Variants in RPRD2 observed in about 807,000 individuals in gnomAD.
RPRD2 encodes the protein regulation of nuclear pre-mRNA domain containing 2, also known as regulation of nuclear pre-mRNA domain-containing protein 2.
Under a neutral mutation model 104.4 loss-of-function variants are expected in RPRD2, and 12 were observed. The ratio of observed to expected loss-of-function variants is 0.11; its 90% CI spans 0.07 to 0.19. The LOEUF (loss-of-function observed/expected upper bound fraction) is 0.19, where lower values mean the gene tolerates loss of function less well. Among genes scored for constraint, RPRD2 ranks in the 10% least tolerant of loss-of-function variants. The pLI, the probability that RPRD2 is intolerant of heterozygous loss-of-function variation, is 1.00. For synonymous variants in RPRD2, 714 were observed against 684.9 expected (o/e 1.04, Z -0.66); for missense variants, 1,543 against 1,790.1 (o/e 0.86, Z 2.49).
At chr1:150,438,035 G>A (rs1450594411) in intron 2 of RPRD2, among the ~76,000 whole-genome samples, 1 of 147,518 alleles carries the variant, frequency 6.8e-6, no homozygotes, top group African/African-American at 2.5e-5. Flanking sequence ...TGTAACCCCA[G>A]CACTTTGGGA....
At chr1:150,403,487 A>G (rs750852189) in intron 1 of RPRD2, among the ~76,000 whole-genome samples, 39 of 152,142 alleles carry the variant, frequency 2.6e-4, no homozygotes, top group Non-Finnish European at 4.7e-4. Flanking sequence ...CTACTCCTAG[A>G]TACGTCATGG....
intron 9 of RPRD2, among the ~76,000 whole-genome samples, chr1:150,461,987 A>G (rs1427878110): frequency 1.3e-5 from 2 of 148,992 alleles, no homozygotes; most frequent in African/African-American, 2.5e-5. Context: ...AAAAAAAAAC[A>G]AAAAACAAAA....
At chr1:150,466,815 C>A (rs1668311965) in intron 10 of RPRD2, among the ~76,000 whole-genome samples, 1 of 152,118 alleles carries the variant, frequency 6.6e-6, no homozygotes, top group Non-Finnish European at 1.5e-5. Flanking sequence ...CCAATGAAAT[C>A]CTTTTTAAGT....
At chr1:150,418,663 C>G (rs1003796587) in intron 2 of RPRD2, among the ~76,000 whole-genome samples, 1 of 152,130 alleles carries the variant, frequency 6.6e-6, no homozygotes, top group Non-Finnish European at 1.5e-5. Flanking sequence ...ATTCAAAGTT[C>G]ACATTACCAT....
In RPRD2 at chr1:150,364,179, C is replaced by CA. The variant is rs587650833; in HGVS notation, c.-528dup. ...CTGCCCCTTTGCTGCTATTGCGTTG[C>CA]AAAAAAAATCCTGACTAGGTAGCCT... is the stretch of plus-strand genomic sequence containing the variant. On this transcript the variant is annotated 5_prime_UTR_variant, in exon 1 of 11. Coordinates refer to ENST00000369068, the MANE Select transcript of RPRD2 (RefSeq NM_015203.5). 1.1e-3 allele frequency among the ~76,000 whole-genome samples: 165 copies of CA among 151,842 alleles called. No individual in the cohort carries two copies. The highest frequency in any genetic ancestry group is 2.0e-3 in the Non-Finnish European group (135 of 67,882).
At chr1:150,406,817 T>C (rs1267692137) in intron 1 of RPRD2, among the ~76,000 whole-genome samples, 1 of 152,158 alleles carries the variant, frequency 6.6e-6, no homozygotes, top group African/African-American at 2.4e-5. Flanking sequence ...TGGGTTCAAG[T>C]GATTCTCCTG....
chr1:150,403,074 A>G (rs1007617397), intron 1 of RPRD2, among the ~76,000 whole-genome samples: 8 of 152,208 alleles, frequency 5.3e-5, no homozygotes, highest in Non-Finnish European at 1.2e-4. Flanking sequence ...TGGTGTATTC[A>G]TAGTGAAATC....
intron 2 of RPRD2, among the ~76,000 whole-genome samples, chr1:150,426,744 G>T (rs587682501): frequency 6.6e-6 from 1 of 152,330 alleles, no homozygotes; most frequent in African/African-American, 2.4e-5. Context: ...ATTGTTCAAT[G>T]GGTATAGAGT....
chr1:150,445,290 T>A (rs1444294650), intron 6 of RPRD2, among the ~76,000 whole-genome samples: 3 of 152,212 alleles, frequency 2.0e-5, no homozygotes, highest in African/African-American at 7.2e-5. Flanking sequence ...TCTGAGGTCT[T>A]GTAAGGAGAT....
intron 1 of RPRD2, among the ~76,000 whole-genome samples, chr1:150,382,764 T>G (rs1161395537): frequency 6.6e-6 from 1 of 152,118 alleles, no homozygotes; most frequent in Non-Finnish European, 1.5e-5. Flanking sequence ...TAAGGCCAGG[T>G]GTTTGAGGCC....
At chr1:150,427,670 G>A (rs782110651) in intron 2 of RPRD2, among the ~76,000 whole-genome samples, 21 of 151,874 alleles carry the variant, frequency 1.4e-4, no homozygotes, top group Non-Finnish European at 2.2e-4. Flanking sequence ...ATGGTGGCGC[G>A]TGCCTGTGTT....
At chr1:150,389,302 G>A (rs1424743660) in intron 1 of RPRD2, among the ~76,000 whole-genome samples, 1 of 152,094 alleles carries the variant, frequency 6.6e-6, no homozygotes, top group Middle Eastern at 3.4e-3. Flanking sequence ...TGCCTGCCTC[G>A]GCCTCGCAAA....
chr1:150,389,288 G>C (rs782590874), intron 1 of RPRD2, among the ~76,000 whole-genome samples: 1 of 152,134 alleles, frequency 6.6e-6, no homozygotes, highest in East Asian at 1.9e-4. Flanking sequence ...GAGCTCAAGC[G>C]ATCTGCCTGC....
At chr1:150,377,554 TA>T (rs1307240993) in intron 1 of RPRD2, among the ~76,000 whole-genome samples, 1 of 146,512 alleles carries the variant, frequency 6.8e-6, no homozygotes, top group Non-Finnish European at 1.5e-5. Flanking sequence ...GCCGAGATCG[TA>T]CCACTGCACT....
chr1:150,472,596 A>G lies in RPRD2; in HGVS notation c.3648A>G (p.Pro1216=), dbSNP rs751494037. ...QREPVGPSSA[P]PVPPKDHGGI... ...AGCCAGTGGGGCCATCATCTGCCCC[A>G]CCTGTCCCTCCTAAGGATCATGGTG... The change falls in exon 11 of 11, where the codon CCA becomes CCG. Residue 1216 remains proline (P), a synonymous_variant. Transcript: ENST00000369068. 105 of 1,613,728 alleles carry G rather than the reference A, an allele frequency of 6.5e-5. No homozygotes were observed. The highest frequency in any genetic ancestry group is 8.7e-5 in the Non-Finnish European group (103 of 1,179,860).
intron 1 of RPRD2, among the ~76,000 whole-genome samples, chr1:150,398,185 A>G (rs587749205): frequency 9.4e-5 from 4 of 42,614 alleles, no homozygotes; most frequent in East Asian, 8.0e-4. Context: ...TTGTGTTTTT[A>G]TATTTATTTT....
At chr1:150,391,750 G>A (rs1197616586) in intron 1 of RPRD2, among the ~76,000 whole-genome samples, 1 of 151,974 alleles carries the variant, frequency 6.6e-6, no homozygotes, top group African/African-American at 2.4e-5. Context: ...TTTACTAAAA[G>A]TACAAAAATT....
At chr1:150,449,411 A>G (rs1234000055) in intron 7 of RPRD2, among the ~76,000 whole-genome samples, 2 of 151,998 alleles carry the variant, frequency 1.3e-5, no homozygotes, top group Admixed American at 6.6e-5. Flanking sequence ...TAAGTCTACC[A>G]TCTTTCTATT....
At chr1:150,447,299 T>C (rs1666847797) in intron 7 of RPRD2, among the ~76,000 whole-genome samples, 2 of 151,640 alleles carry the variant, frequency 1.3e-5, no homozygotes, top group South Asian at 4.2e-4. Context: ...AACATCCTGT[T>C]ACCAAATTTC....
Sources: gnomAD v4.1 joint callset for allele counts (sites outside exome capture counted in the v4.1 genomes callset) on GRCh38, gnomAD v4.1.1 for gene constraint, MANE v1.5 for transcripts, NCBI Gene and HGNC (gene_info 2026-07-23, HGNC 2026-07-21) for gene names.